Variants in MYH10 observed in about 807,000 individuals in gnomAD.
MYH10 encodes the protein myosin-10.
Under a neutral mutation model 257.8 loss-of-function variants are expected in MYH10, and 55 were observed. The ratio of observed to expected loss-of-function variants is 0.21; its 90% CI spans 0.17 to 0.27. The LOEUF (loss-of-function observed/expected upper bound fraction) is 0.27, where lower values mean the gene tolerates loss of function less well. Among genes scored for constraint, MYH10 ranks in the 10% least tolerant of loss-of-function variants. The probability of loss-of-function intolerance (pLI) is 1.00; values close to 1 mark genes in which losing one functional copy is unlikely to be tolerated. For synonymous variants in MYH10, 854 were observed against 921.7 expected, an observed-to-expected ratio of 0.93 and a Z score of 1.33; for missense variants, 1,631 against 2,500.6, an observed-to-expected ratio of 0.65 and a Z score of 7.42.
intron 21 of MYH10, among the ~76,000 whole-genome samples, chr17:8,517,059 T>G (rs1251164802): frequency 2.6e-5 from 4 of 152,090 alleles, no homozygotes; most frequent in Admixed American, 1.3e-4. Context: ...GAGAATGGCA[T>G]GAACCCAGGA....
At position 8,612,378 on chromosome 17, in the gene MYH10, A is replaced by T. The variant is rs190654020; in HGVS notation, c.346-7396T>A. On this transcript the variant is annotated intron_variant, in intron 2 of 42. Coordinates refer to ENST00000360416, the MANE Select transcript of MYH10 (RefSeq NM_001256012.3). ...GGGAAGAATCAATCTTCTATCTGTG[A>T]ATTTGTGAACTAGGAAAAAGAAATT... Among the ~76,000 whole-genome samples, 247 of 152,324 alleles carry T rather than the reference A, an allele frequency of 1.6e-3. 1 individual carries two copies. The highest frequency in any genetic ancestry group is 3.0e-3 in the Non-Finnish European group (206 of 68,030).
At chr17:8,577,158 T>C in intron 5 of MYH10, 78 bp downstream of exon 5, 3 of 1,151,366 alleles carry the variant, frequency 2.6e-6, no homozygotes, top group South Asian at 2.9e-5. Flanking sequence ...GTGTGGAGAG[T>C]AGACTGGCTT....
intron 40 of MYH10, among the ~76,000 whole-genome samples, chr17:8,478,681 G>A (rs986382348): frequency 3.3e-5 from 5 of 152,140 alleles, no homozygotes; most frequent in Middle Eastern, 3.2e-3. Flanking sequence ...ATTCCTGCAC[G>A]TGTAGGTGTT....
intron 35 of MYH10, among the ~76,000 whole-genome samples, chr17:8,489,167 G>A (rs907450177): frequency 2.6e-5 from 4 of 152,120 alleles, no homozygotes; most frequent in African/African-American, 9.7e-5. Flanking sequence ...CACCATGTGT[G>A]TGAGTCAGTT....
At chr17:8,521,060 A>G in intron 18 of MYH10, 32 bp downstream of exon 18, 1 of 1,613,492 alleles carries the variant, frequency 6.2e-7, no homozygotes, top group Non-Finnish European at 8.5e-7. Flanking sequence ...GATCAGTTTT[A>G]AATACTAGCA....
At chr17:8,573,878 GC>G in intron 6 of MYH10, 13 of 945,210 alleles carry the variant, frequency 1.4e-5, no homozygotes, top group Non-Finnish European at 1.6e-5. Flanking sequence ...CACTAGGATG[GC>G]TTTAATAAAA....
intron 31 of MYH10, among the ~76,000 whole-genome samples, chr17:8,494,107 C>T (rs772266991): frequency 2.0e-5 from 3 of 152,170 alleles, no homozygotes; most frequent in Non-Finnish European, 1.5e-5. Flanking sequence ...CGAATGGCGG[C>T]GCCATCCACC....
chr17:8,513,891 G>A lies in MYH10; in HGVS notation c.2508C>T (p.Ala836=), dbSNP rs185750723. 8 of 1,613,586 alleles carry A rather than the reference G, an allele frequency of 5.0e-6. No homozygotes were observed. The Admixed American group carries it at 5.0e-5, about 10-fold the overall frequency. The change falls in exon 22 of 43, where the codon GCC becomes GCT. Residue 836 remains alanine, a synonymous_variant. Coordinates refer to ENST00000360416, the MANE Select transcript of MYH10 (RefSeq NM_001256012.3). ...TTAGTTGCTGCTGCTTCTTGGCAAA[G>A]GCCCTGAAGAACAATAAGAAAAACT... ...AVCRGYLARK[A]FAKKQQQLSA... is the part of the protein sequence containing the mutation.
chr17:8,479,817 C>T (rs1002367046), intron 40 of MYH10, among the ~76,000 whole-genome samples: 5 of 152,222 alleles, frequency 3.3e-5, no homozygotes, highest in Admixed American at 6.5e-5. Flanking sequence ...GGCTGCCACA[C>T]GCTTGGGAAA....
intron 29 of MYH10, 30 bp downstream of exon 29, chr17:8,500,796 G>A: frequency 6.2e-7 from 1 of 1,604,902 alleles, no homozygotes; most frequent in African/African-American, 1.3e-5. Flanking sequence ...ACTTTCTCCA[G>A]GCCACAGCAC....
intron 6 of MYH10, among the ~76,000 whole-genome samples, chr17:8,571,163 T>C (rs911391137): frequency 7.4e-5 from 10 of 135,096 alleles, no homozygotes; most frequent in African/African-American, 2.7e-4. Context: ...CAGACTATTT[T>C]TCCTGTAAAG....
intron 9 of MYH10, among the ~76,000 whole-genome samples, chr17:8,549,272 C>T (rs146341624): frequency 0.01 from 1,543 of 152,338 alleles, 14 homozygotes; most frequent in Non-Finnish European, 0.016. Flanking sequence ...GGACCAAGCA[C>T]GTCCCGAGCC....
intron 40 of MYH10, 50 bp downstream of exon 40, chr17:8,480,060 G>C: frequency 6.3e-7 from 1 of 1,589,164 alleles, no homozygotes; most frequent in Non-Finnish European, 8.6e-7. Flanking sequence ...TTTTGTCTCT[G>C]ACTGAGCCTA....
rs758277234 is a variant in MYH10, at chr17:8,490,587, G to A, written c.4672-35C>T. 1.6e-5 allele frequency: 26 copies of A among 1,594,204 alleles called. No individual in the cohort carries two copies. The African/African-American group carries it at 2.4e-4, about 15-fold the overall frequency. ...CGAAGCATCAGGAAAGAGTTGACCG[G>A]GGTGGAGGCACATATGAAGAACAGC... is the stretch of plus-strand genomic sequence containing the variant. On this transcript the variant is annotated intron_variant, in intron 34 of 42. Transcript: ENST00000360416. The surrounding 1 kb of genome is among the most constrained non-coding windows in gnomAD (Gnocchi z 4.1).
At chr17:8,479,179 T>C (rs879853003) in intron 40 of MYH10, among the ~76,000 whole-genome samples, 2 of 152,246 alleles carry the variant, frequency 1.3e-5, no homozygotes, top group Admixed American at 1.3e-4. Flanking sequence ...TTGTTTCACT[T>C]GATAATTTAC....
Position 8,513,688 on chromosome 17 carries a change from G to GTTT in MYH10, c.2614-22_2614-20dup, listed in dbSNP as rs34684979. 13 of 1,519,444 alleles carry GTTT rather than the reference G, an allele frequency of 8.6e-6. No individual in the cohort carries two copies. The highest frequency in any genetic ancestry group is 1.2e-5 in the South Asian group (1 of 83,424). The allele number at this position is 1,519,444 out of a possible 1,614,324, so 94.1% of individuals were successfully genotyped here. A position where few individuals can be genotyped will look rare whatever the true frequency, so the allele number is the denominator to read the frequency against. On this transcript the variant is annotated intron_variant, in intron 22 of 42. Coordinates refer to ENST00000360416, the MANE Select transcript of MYH10 (RefSeq NM_001256012.3). ...GCTTCACCTATGACAAAATTAAGCA[G>GTTT]TTTTTTTTTTTTTATCATTCCAGCT...
intron 2 of MYH10, among the ~76,000 whole-genome samples, chr17:8,617,753 T>C (rs888383586): frequency 6.6e-6 from 1 of 152,134 alleles, no homozygotes; most frequent in Non-Finnish European, 1.5e-5. Flanking sequence ...ATAAATTCAT[T>C]GGGTCAAAAA....
At chr17:8,563,805 T>A (rs2083072968) in intron 7 of MYH10, among the ~76,000 whole-genome samples, 1 of 151,698 alleles carries the variant, frequency 6.6e-6, no homozygotes, top group Non-Finnish European at 1.5e-5. Context: ...CCTAGAGCCC[T>A]TACCTAGCTT....
At chr17:8,500,409 G>C (rs1917339750) in intron 29 of MYH10, among the ~76,000 whole-genome samples, 1 of 152,228 alleles carries the variant, frequency 6.6e-6, no homozygotes, top group African/African-American at 2.4e-5. Flanking sequence ...GAGATCACAG[G>C]CAGGGAAGGA....
Sources: allele counts gnomAD v4.1 joint callset (sites outside exome capture counted in the v4.1 genomes callset), GRCh38; gene constraint gnomAD v4.1.1; non-coding constraint Gnocchi (gnomAD v3.1); transcripts MANE v1.5; gene names NCBI Gene and HGNC (gene_info 2026-07-23, HGNC 2026-07-21).